Variants in SUN3 observed in about 807,000 individuals in gnomAD.
SUN3 encodes Sad1 and UNC84 domain containing 3.
In SUN3, 36 loss-of-function variants were observed where a neutral mutation model predicts 48.2. The ratio of observed to expected loss-of-function variants is 0.75; its 90% CI spans 0.57 to 0.99. The LOEUF (loss-of-function observed/expected upper bound fraction) is 0.99. Ranked by LOEUF, SUN3 falls within the 50% of genes least tolerant of loss-of-function variation. The pLI is 0.00. For missense variants in SUN3, 419 were observed against 433.1 expected (o/e 0.97, Z 0.29); for synonymous variants, 148 against 147.9 (o/e 1.00, Z 0.00).
intron 2 of SUN3, among the ~76,000 whole-genome samples, chr7:48,021,076 T>C (rs111973652): frequency 0.03 from 4,548 of 151,940 alleles, 222 homozygotes; most frequent in African/African-American, 0.1. Context: ...GCATAAAAAG[T>C]GAGAGATAGG....
chr7:48,032,758 G>C (rs996601501), upstream of SUN3, among the ~76,000 whole-genome samples: 1 of 152,218 alleles, frequency 6.6e-6, no homozygotes, highest in African/African-American at 2.4e-5. Context: ...GTTGGAGAGG[G>C]GAATTATACA....
At chr7:48,023,508 GA>G (rs370135031) in intron 2 of SUN3, among the ~76,000 whole-genome samples, 8 of 151,968 alleles carry the variant, frequency 5.3e-5, no homozygotes, top group African/African-American at 1.9e-4. Context: ...AGTAAAGAAG[GA>G]AATGAAGAAC....
At chr7:48,014,068 T>C (rs1789747462) in intron 3 of SUN3, among the ~76,000 whole-genome samples, 1 of 152,172 alleles carries the variant, frequency 6.6e-6, no homozygotes, top group South Asian at 2.1e-4. Flanking sequence ...CAGGCTCAAG[T>C]GATCCTGCCA....
chr7:48,029,732 GAATA>G (rs1326843315), upstream of SUN3, among the ~76,000 whole-genome samples: 2 of 152,172 alleles, frequency 1.3e-5, no homozygotes, highest in African/African-American at 4.8e-5. Flanking sequence ...CCTAGAAACA[GAATA>G]GTTAGGTGGA....
chr7:47,994,531 T>C (rs1411628972), intron 7 of SUN3, 49 bp from the exon 8 acceptor site: 1 of 1,535,492 alleles, frequency 6.5e-7, no homozygotes, highest in South Asian at 1.3e-5. Flanking sequence ...TGTGAATCCA[T>C]TCCCACAATA....
chr7:48,030,725 A>G (rs1252647522), upstream of SUN3, among the ~76,000 whole-genome samples: 4 of 152,222 alleles, frequency 2.6e-5, no homozygotes, highest in South Asian at 4.1e-4. Flanking sequence ...GTAATCTTGT[A>G]TTTAAGTTAT....
intron 2 of SUN3, among the ~76,000 whole-genome samples, chr7:48,020,874 T>G (rs1325867616): frequency 6.6e-6 from 1 of 152,124 alleles, no homozygotes; most frequent in African/African-American, 2.4e-5. Flanking sequence ...ACATATTCAA[T>G]GCAATCCCTA....
At chr7:47,997,893 T>A (rs1425691466) in intron 6 of SUN3, among the ~76,000 whole-genome samples, 4 of 152,246 alleles carry the variant, frequency 2.6e-5, no homozygotes, top group Non-Finnish European at 5.9e-5. Context: ...TTGAGATTTA[T>A]GAATGTTGGA....
intron 6 of SUN3, among the ~76,000 whole-genome samples, chr7:48,005,635 TG>T (rs1256621334): frequency 1.3e-5 from 2 of 152,072 alleles, no homozygotes; most frequent in Non-Finnish European, 2.9e-5. Flanking sequence ...GCATTTAGAT[TG>T]GTGATCATAA....
the SUN3 span, among the ~76,000 whole-genome samples, chr7:48,035,218 G>C: frequency 6.6e-6 from 1 of 152,150 alleles, no homozygotes; most frequent in Non-Finnish European, 1.5e-5. The surrounding 1 kb of genome is among the most constrained non-coding windows in gnomAD (Gnocchi z 4.0). Flanking sequence ...GCATGAGGAG[G>C]ACTGAGGCCT....
chr7:48,004,235 T>A (rs1789464113), intron 6 of SUN3, among the ~76,000 whole-genome samples: 1 of 152,246 alleles, frequency 6.6e-6, no homozygotes, highest in East Asian at 1.9e-4. Context: ...GTTGGTCTTA[T>A]TTCCGTAGGA....
At chr7:47,999,693 C>T (rs1224979121) in intron 6 of SUN3, among the ~76,000 whole-genome samples, 1 of 152,162 alleles carries the variant, frequency 6.6e-6, no homozygotes, top group Non-Finnish European at 1.5e-5. Context: ...TGCGCCACCG[C>T]GCCTGGCTGT....
At chr7:48,008,594 G>A (rs904290259) in intron 4 of SUN3, among the ~76,000 whole-genome samples, 1 of 152,198 alleles carries the variant, frequency 6.6e-6, no homozygotes, top group African/African-American at 2.4e-5. Flanking sequence ...CTCCATAGAA[G>A]TAGAAATATG....
At chr7:48,023,426 AC>A (rs986494559) in intron 2 of SUN3, among the ~76,000 whole-genome samples, 6 of 152,270 alleles carry the variant, frequency 3.9e-5, no homozygotes, top group African/African-American at 9.6e-5. Context: ...TATCTAAAAA[AC>A]GTATACAAAA....
At chr7:48,015,463 GT>G (rs543221637) in intron 3 of SUN3, among the ~76,000 whole-genome samples, 63 of 152,176 alleles carry the variant, frequency 4.1e-4, no homozygotes, top group Non-Finnish European at 1.5e-4. Context: ...TACATGTGCA[GT>G]CTCCCCTCTC....
At chr7:48,005,862 G>A (rs1789510427) in intron 6 of SUN3, 107 bp downstream of exon 6, 4 of 515,350 alleles carry the variant, frequency 7.8e-6, no homozygotes, top group East Asian at 3.3e-5. Flanking sequence ...CCCCCCCCAA[G>A]TTACCAGATA....
intron 6 of SUN3, among the ~76,000 whole-genome samples, chr7:47,998,520 C>T (rs1229186201): frequency 2.6e-5 from 4 of 152,178 alleles, no homozygotes; most frequent in African/African-American, 4.8e-5. Flanking sequence ...TTTTCATTCT[C>T]GTAACTGTTT....
intron 9 of SUN3, among the ~76,000 whole-genome samples, chr7:47,987,794 A>G (rs1463505792): frequency 6.6e-6 from 1 of 152,234 alleles, no homozygotes; most frequent in Non-Finnish European, 1.5e-5. Flanking sequence ...TAGGCCTCCA[A>G]AAGTGATGGG....
At chr7:48,021,036 G>C (rs1371716087) in intron 2 of SUN3, among the ~76,000 whole-genome samples, 1 of 152,050 alleles carries the variant, frequency 6.6e-6, no homozygotes, top group Non-Finnish European at 1.5e-5. Flanking sequence ...TTATACTACA[G>C]AGCTTAGTAA....
Sources: gnomAD v4.1 joint callset for allele counts (sites outside exome capture counted in the v4.1 genomes callset) on GRCh38, gnomAD v4.1.1 for gene constraint, Gnocchi (gnomAD v3.1) non-coding constraint, MANE v1.5 for transcripts, NCBI Gene and HGNC (gene_info 2026-07-23, HGNC 2026-07-21) for gene names.